Variants in MIOX observed in about 807,000 individuals in gnomAD.
MIOX encodes the protein myo-inositol oxygenase.
In MIOX, 51 loss-of-function variants were observed where a neutral mutation model predicts 42.7. The observed-to-expected ratio is 1.19, with a 90% CI of 0.95 to 1.51. MIOX has a LOEUF of 1.51. Ranked by LOEUF, MIOX falls within the 40% of genes most tolerant of loss-of-function variation. The probability of loss-of-function intolerance (pLI) is 0.00; values close to 1 mark genes in which losing one functional copy is unlikely to be tolerated. For missense variants in MIOX, 395 were observed against 381.3 expected, an observed-to-expected ratio of 1.04 and a Z score of -0.30; for synonymous variants, 168 against 154.4, an observed-to-expected ratio of 1.09 and a Z score of -0.65.
At position 50,490,145 on chromosome 22, in the gene MIOX, G is replaced by C. The variant is rs780407811; in HGVS notation, c.*289G>C. 1.9e-4 allele frequency: 90 copies of C among 472,994 alleles called. No individual in the cohort carries two copies. The highest frequency in any genetic ancestry group is 1.9e-4 in the East Asian group (5 of 26,110). 29.3% of individuals were successfully genotyped at this position (472,994 alleles called of 1,614,324 possible). On this transcript the variant is annotated 3_prime_UTR_variant, in exon 10 of 10. Coordinates refer to ENST00000216075, the MANE Select transcript of MIOX (RefSeq NM_017584.6). ...AAGTCCCAGGCTTTCAGGTGTGTGT[G>C]TCCCACCACACTGGCCGTGGTAAAC... is the stretch of plus-strand genomic sequence containing the variant.
chr22:50,487,363 G>A (rs1027503124), intron 1 of MIOX, 22 bp from the exon 2 acceptor site: 2 of 1,596,282 alleles, frequency 1.3e-6, no homozygotes, highest in South Asian at 1.1e-5. Flanking sequence ...GGTGAAATAG[G>A]TTCAATCCTC....
chr22:50,488,592 T>G (rs1282823407), intron 5 of MIOX, among the ~76,000 whole-genome samples: 1 of 129,286 alleles, frequency 7.7e-6, no homozygotes, highest in African/African-American at 2.9e-5. Flanking sequence ...GTGCTTGGCC[T>G]GGGATACTAC....
rs1289637687 is a variant in MIOX at position 50,487,237 on chromosome 22, ATGGCGTGGGAGAGGCTGTGTCCTCGCG to A, written c.16-145_16-119del. 4.3e-6 allele frequency: 3 copies of A among 702,658 alleles called. No individual in the cohort carries two copies. In the African/African-American group the frequency reaches 5.4e-5, roughly 13 times the overall value. 43.5% of individuals were successfully genotyped at this position (702,658 alleles called of 1,614,324 possible). A position where few individuals can be genotyped will look rare whatever the true frequency, so the allele number is the denominator to read the frequency against. ...TGAGGCCAGGGCAGGGGCTGGGATGATGGCGTGGGAGAGGCTGTGTCCTCGCGTGTCACCCACCAGCCCTCGAGCAGA... is the reference window on the plus strand; with the variant it reads ...TGAGGCCAGGGCAGGGGCTGGGATGATGTCACCCACCAGCCCTCGAGCAGA... On this transcript the variant is annotated intron_variant, in intron 1 of 9. Transcript: ENST00000216075.
rs758284584 is a variant in MIOX, at chr22:50,486,940, G to T, written c.15+28G>T. On this transcript the variant is annotated intron_variant, in intron 1 of 9. Coordinates refer to ENST00000216075, the MANE Select transcript of MIOX (RefSeq NM_017584.6). Reference sequence around the variant, plus strand: ...GAGTACCCAGACCCCATGCAGAGAGGCTCTGCTGACTGCTCTCCTGGTGGC... The same window carrying T: ...GAGTACCCAGACCCCATGCAGAGAGTCTCTGCTGACTGCTCTCCTGGTGGC... 24 of 1,612,934 alleles carry T rather than the reference G, an allele frequency of 1.5e-5. 1 individual carries two copies. The East Asian group carries it at 5.3e-4, about 36-fold the overall frequency.
chr22:50,489,225 C>A lies in MIOX; in HGVS notation c.519-3C>A. 1 of 1,609,770 alleles carries A rather than the reference C, an allele frequency of 6.2e-7. No homozygotes were observed. Among genetic ancestry groups the A allele is most frequent in the Non-Finnish European group, 8.5e-7 (1 of 1,179,634 alleles). On this transcript the variant is annotated splice_region_variant and splice_polypyrimidine_tract_variant and intron_variant, in intron 6 of 9. Transcript: ENST00000216075. ...CCCTCCTCACCCTGGTATCTCACTG[C>A]AGCACAGAGCTCGGGATGTATCAGC...
At chr22:50,488,204 C>A in intron 4 of MIOX, 71 bp from the exon 5 acceptor site, 1 of 1,601,766 alleles carries the variant, frequency 6.2e-7, no homozygotes, top group Non-Finnish European at 8.5e-7. Flanking sequence ...TGGCTCTCAG[C>A]CCCGCAAACC....
chr22:50,486,972 C>G, intron 1 of MIOX, 60 bp downstream of exon 1: 2 of 1,602,524 alleles, frequency 1.2e-6, no homozygotes, highest in Non-Finnish European at 1.7e-6. Flanking sequence ...TGGCCAGCCA[C>G]TCCCGCCCTC....
rs776201567 is a variant in MIOX, at chr22:50,489,458, G to C, written c.636+12G>C. On this transcript the variant is annotated intron_variant, in intron 8 of 9. Coordinates refer to ENST00000216075, the MANE Select transcript of MIOX (RefSeq NM_017584.6). Reference sequence around the variant, plus strand: ...CACTGCCCCCTGAGGTAGGTGGGGGGAGGGGCAACGCAGCCCGTCCACCAG... The same window carrying C: ...CACTGCCCCCTGAGGTAGGTGGGGGCAGGGGCAACGCAGCCCGTCCACCAG... 2.5e-6 allele frequency: 4 copies of C among 1,608,282 alleles called. 1 individual carries two copies. In the South Asian group the frequency reaches 4.4e-5, roughly 18 times the overall value.
chr22:50,488,131 T>C (rs1431420011), intron 4 of MIOX, 83 bp downstream of exon 4: 3 of 1,592,456 alleles, frequency 1.9e-6, no homozygotes, highest in Admixed American at 3.5e-5. Flanking sequence ...GAGGGGACAG[T>C]AGTGGGCCCA....
In MIOX at chr22:50,489,012, G is replaced by GACTCCCGTC. The variant is rs748869469; in HGVS notation, c.409-28_409-27insACTCCCGTC. ...GACACCTTCCCCCACTCCCCCCATG[G>GACTCCCGTC]CCTCCCGTCCCTCCTGTCCCTCTGC... On this transcript the variant is annotated intron_variant, in intron 5 of 9. Coordinates refer to ENST00000216075, the MANE Select transcript of MIOX (RefSeq NM_017584.6). The GACTCCCGTC allele has an allele frequency of 1.5e-3, 1,134 of 746,538 alleles. 15 individuals carry two copies. In the African/African-American group the frequency reaches 0.026, roughly 17 times the overall value. 46.2% of individuals were successfully genotyped at this position (746,538 alleles called of 1,614,324 possible). A position where few individuals can be genotyped will look rare whatever the true frequency, so the allele number is the denominator to read the frequency against.
chr22:50,488,060 C>G lies in MIOX; in HGVS notation c.340+12C>G, dbSNP rs2068296460. 9.9e-6 allele frequency: 16 copies of G among 1,613,118 alleles called. No individual in the cohort carries two copies. Among genetic ancestry groups the G allele is most frequent in the Non-Finnish European group, 1.2e-5 (14 of 1,179,690 alleles). On this transcript the variant is annotated intron_variant, in intron 4 of 9. Transcript: ENST00000216075. ...CCACCCAGACAAGGGTGAGCCCTGG[C>G]TGTGCTGCAGGGGGGCAGGTGCTGC...
At chr22:50,488,951 G>A (rs1483070156) in intron 5 of MIOX, 89 bp from the exon 6 acceptor site, 26 of 870,930 alleles carry the variant, frequency 3.0e-5, no homozygotes, top group African/African-American at 2.0e-4. Flanking sequence ...ATGGCCGCCC[G>A]TCCCTCCTGT....
chr22:50,488,695 T>G (rs2068309420), intron 5 of MIOX, among the ~76,000 whole-genome samples: 1 of 126,196 alleles, frequency 7.9e-6, no homozygotes. Flanking sequence ...CACTCTGCAG[T>G]GGGCGGTCGT....
chr22:50,489,356 G>A, intron 7 of MIOX, 41 bp from the exon 8 acceptor site: 2 of 1,502,058 alleles, frequency 1.3e-6, no homozygotes, highest in Non-Finnish European at 1.8e-6. Context: ...GGGGGCGGTG[G>A]GGCAGAGGCA....
Position 50,488,036 on chromosome 22 carries a change from C to G in MIOX, c.328C>G (p.His110Asp). 6.2e-7 allele frequency: 1 copy of G among 1,613,688 alleles called. No homozygotes were observed. Among genetic ancestry groups the G allele is most frequent in the East Asian group, 2.2e-5 (1 of 44,884 alleles). Reference protein sequence around the residue: ...FQTAEGIRKAHPDKDWFHLVG... With the variant: ...FQTAEGIRKADPDKDWFHLVG... Reference sequence around the variant, plus strand: ...GACAGCGGAGGGCATCCGGAAGGCCCACCCAGACAAGGGTGAGCCCTGGCT... The same window carrying G: ...GACAGCGGAGGGCATCCGGAAGGCCGACCCAGACAAGGGTGAGCCCTGGCT... The change falls in exon 4 of 10, where the codon CAC (histidine) becomes GAC (aspartate). Residue 110 changes from histidine to aspartate, a missense_variant. Coordinates refer to ENST00000216075, the MANE Select transcript of MIOX (RefSeq NM_017584.6).
chr22:50,490,011 C>CTG lies in MIOX; in HGVS notation c.*156_*157dup. ...CGCCACCCCTCACGGCAACTTGTGC[C>CTG]TGGCGTCAATAAAGACCTGGAAGGA... On this transcript the variant is annotated 3_prime_UTR_variant, in exon 10 of 10. Coordinates refer to ENST00000216075, the MANE Select transcript of MIOX (RefSeq NM_017584.6). The CTG allele has an allele frequency of 1.5e-6, 1 of 645,226 alleles. No homozygotes were observed. The allele number at this position is 645,226 out of a possible 1,614,324, so 40.0% of individuals were successfully genotyped here. A position where few individuals can be genotyped will look rare whatever the true frequency, so the allele number is the denominator to read the frequency against.
At chr22:50,487,341 A>T (rs759834668) in intron 1 of MIOX, 44 bp from the exon 2 acceptor site, 7 of 1,514,484 alleles carry the variant, frequency 4.6e-6, no homozygotes, top group Non-Finnish European at 6.4e-6. Flanking sequence ...TTCCTCGTGG[A>T]GCTGACATGA....
At position 50,490,265 on chromosome 22, in the gene MIOX, C is replaced by T; in HGVS notation, c.*409C>T. The T allele has an allele frequency of 4.5e-6, 1 of 223,498 alleles. No individual in the cohort carries two copies. 13.8% of individuals were successfully genotyped at this position (223,498 alleles called of 1,614,324 possible). ...CAAAACAGTCACCAAGTCCTCTGGG[C>T]TCCGTCCCCTTAAAAAATACCCCAA... On this transcript the variant is annotated 3_prime_UTR_variant, in exon 10 of 10. Coordinates refer to ENST00000216075, the MANE Select transcript of MIOX (RefSeq NM_017584.6).
At position 50,487,696 on chromosome 22, in the gene MIOX, A is replaced by G. The variant is rs1285963426; in HGVS notation, c.131A>G (p.Tyr44Cys). The G allele has an allele frequency of 3.1e-6, 5 of 1,613,686 alleles. No homozygotes were observed. Among genetic ancestry groups the G allele is most frequent in the Non-Finnish European group, 4.2e-6 (5 of 1,179,990 alleles). The change falls in exon 3 of 10, where the codon TAC (tyrosine) becomes TGC (cysteine). Residue 44 changes from tyrosine (Y) to cysteine (C), a missense_variant. By Grantham distance (194) the Tyr-to-Cys change is radical. Coordinates refer to ENST00000216075, the MANE Select transcript of MIOX (RefSeq NM_017584.6). ...CTCCTGGACCGTGTCTTCACCACCT[A>G]CAAGCTCATGCACACGCACCAGACA... ...GPLLDRVFTTYKLMHTHQTVD... is the reference protein window; with the variant it reads ...GPLLDRVFTTCKLMHTHQTVD...
Sources: gnomAD v4.1 joint callset for allele counts (sites outside exome capture counted in the v4.1 genomes callset) on GRCh38, gnomAD v4.1.1 for gene constraint, MANE v1.5 for transcripts, NCBI Gene and HGNC (gene_info 2026-07-23, HGNC 2026-07-21) for gene names.